The following DMXL1 variants were observed in gnomAD, a reference collection of about 807,000 sequenced individuals.
The protein encoded by DMXL1 is Dmx like 1.
DMXL1 carries 99 observed loss-of-function variants against 319.2 expected under a neutral mutation model. That is an observed-to-expected ratio of 0.31 (90% confidence interval 0.26 to 0.37). The LOEUF is 0.37. DMXL1 is among the 10% of genes least tolerant of loss of function. DMXL1 has a pLI of 1.00. For missense variants in DMXL1, 3,745 were observed against 3,595.6 expected, an observed-to-expected ratio of 1.04 and a Z score of -1.06; for synonymous variants, 1,385 against 1,235.2, an observed-to-expected ratio of 1.12 and a Z score of -2.54.
chr5:119,246,931 C>A lies in DMXL1; in HGVS notation c.8923-64C>A, dbSNP rs1581537076. ...TACAGGCATGAGCCACCGCACCTGG[C>A]CTCATTTGATTTCTTAAGGTCATCA... is the stretch of plus-strand genomic sequence containing the variant. On this transcript the variant is annotated intron_variant, in intron 43 of 43. Transcript: ENST00000539542. 2.4e-6 allele frequency: 3 copies of A among 1,255,990 alleles called. No homozygotes were observed. The East Asian group carries it at 7.0e-5, about 29-fold the overall frequency. 77.8% of individuals were successfully genotyped at this position (1,255,990 alleles called of 1,614,324 possible).
chr5:119,211,003 GAT>G, intron 34 of DMXL1, among the ~76,000 whole-genome samples: 1 of 141,632 alleles, frequency 7.1e-6, no homozygotes, highest in African/African-American at 2.7e-5. Flanking sequence ...TTTATCAAAT[GAT>G]TTTTTTTTTT....
chr5:119,126,592 A>G (rs1475180435), intron 9 of DMXL1, among the ~76,000 whole-genome samples: 1 of 152,222 alleles, frequency 6.6e-6, no homozygotes, highest in Non-Finnish European at 1.5e-5. Context: ...CAATTCAAGC[A>G]TCGTAATCTC....
rs1316133525 is a variant in DMXL1 at position 119,196,535 on chromosome 5, G to A, written c.7543+79G>A. The stretch of plus-strand genomic sequence containing the variant: ...CTGTTGTTTTTTTTTTTTTTTTTTT[G>A]GTCTGGACTGGGGGGAAAATTTAGT... On this transcript the variant is annotated intron_variant, in intron 31 of 43. Coordinates refer to ENST00000539542, the MANE Select transcript of DMXL1 (RefSeq NM_001290321.3). The A allele has an allele frequency of 6.9e-6, 4 of 582,216 alleles. No homozygotes were observed. In the East Asian group the frequency reaches 1.1e-4, roughly 16 times the overall value. 36.1% of individuals were successfully genotyped at this position (582,216 alleles called of 1,614,324 possible). A position where few individuals can be genotyped will look rare whatever the true frequency, so the allele number is the denominator to read the frequency against.
chr5:119,164,421 A>G (rs982118409), intron 19 of DMXL1, 86 bp from the exon 20 acceptor site: 1 of 1,220,532 alleles, frequency 8.2e-7, no homozygotes, highest in African/African-American at 1.5e-5. Context: ...TTACACATTT[A>G]TATTGAAAAT....
rs180739271 is a variant in DMXL1 at position 119,239,173 on chromosome 5, T to C, written c.8651+93T>C. 1.9e-4 allele frequency: 244 copies of C among 1,266,280 alleles called. 1 individual carries two copies. The African/African-American group carries it at 2.9e-3, about 15-fold the overall frequency. The allele number at this position is 1,266,280 out of a possible 1,614,324, so 78.4% of individuals were successfully genotyped here. ...CTTGTGTTTGACTAAAGTTTACTTA[T>C]GGCTTTAGATACAGTATTTTTATTC... On this transcript the variant is annotated intron_variant, in intron 41 of 43. Coordinates refer to ENST00000539542, the MANE Select transcript of DMXL1 (RefSeq NM_001290321.3).
Position 119,109,955 on chromosome 5 carries a change from A to G in DMXL1, c.365-196A>G, listed in dbSNP as rs74348916. Reference sequence around the variant, plus strand: ...ATGCTCATTAAATACTTGTTAAGTGAGAGATTATAAGATTTCTTCCTTTCT... The same window carrying G: ...ATGCTCATTAAATACTTGTTAAGTGGGAGATTATAAGATTTCTTCCTTTCT... On this transcript the variant is annotated intron_variant, in intron 4 of 43. Transcript: ENST00000539542. Among the ~76,000 whole-genome samples the G allele has an allele frequency of 4.7e-3, 719 of 152,340 alleles. 22 individuals carry two copies. In the East Asian group the frequency reaches 0.077, roughly 16 times the overall value.
rs752371431 is a variant in DMXL1, at chr5:119,170,349, G to T, written c.5558G>T (p.Ser1853Ile). 1 of 1,613,846 alleles carries T rather than the reference G, an allele frequency of 6.2e-7. No individual in the cohort carries two copies. ...GGACTGGCAGGAACAATTAATTTAA[G>T]TGAAAGACGTTTATTTTTTACCACT... is the stretch of plus-strand genomic sequence containing the variant. ...KSGLAGTINLSERRLFFTTAS... is the reference protein window; with the variant it reads ...KSGLAGTINLIERRLFFTTAS... The change falls in exon 24 of 44, where the codon AGT becomes ATT. Residue 1853 changes from serine (S) to isoleucine (I), a missense_variant. Around this residue, in one of 4 missense-constraint regions of DMXL1, gnomAD observed 1,382 missense variants for 1,269.5 expected, o/e 1.09. Transcript: ENST00000539542.
chr5:119,193,379 T>C (rs1335487007), intron 29 of DMXL1, among the ~76,000 whole-genome samples: 1 of 152,186 alleles, frequency 6.6e-6, no homozygotes, highest in African/African-American at 2.4e-5. Context: ...TTCCCTCTTA[T>C]TATATGGCTT....
intron 40 of DMXL1, among the ~76,000 whole-genome samples, chr5:119,238,384 A>G (rs1417276472): frequency 6.6e-6 from 1 of 152,158 alleles, no homozygotes; most frequent in Admixed American, 6.5e-5. Flanking sequence ...TGAAGCTTTT[A>G]TAAATGAAGA....
intron 34 of DMXL1, among the ~76,000 whole-genome samples, chr5:119,212,740 A>G (rs79775687): frequency 0.028 from 4,226 of 152,248 alleles, 182 homozygotes; most frequent in African/African-American, 0.096. Flanking sequence ...TTTTAAGACC[A>G]TATTCATTGT....
rs144377761 is a variant in DMXL1 at position 119,145,744 on chromosome 5, C to T, written c.2570-1093C>T. Among the ~76,000 whole-genome samples the T allele has an allele frequency of 4.7e-3, 713 of 151,604 alleles. 10 individuals are homozygous for T. Among genetic ancestry groups the T allele is most frequent in the African/African-American group, 0.016 (674 of 41,482 alleles). On this transcript the variant is annotated intron_variant, in intron 15 of 43. Transcript: ENST00000539542. ...AATTCTCTTTAAGGCTAAGATTTTT[C>T]TTAAAATATTCAGGAAATTTTTACT...
Position 119,104,563 on chromosome 5 carries a change from C to T in DMXL1, c.286-617C>T, listed in dbSNP as rs72784077. ...ACTCAACTTAGTGTAGGCCACAACC[C>T]GAATTTAAAAAGAGAATGAAATAGA... On this transcript the variant is annotated intron_variant, in intron 3 of 43. Coordinates refer to ENST00000539542, the MANE Select transcript of DMXL1 (RefSeq NM_001290321.3). Among the ~76,000 whole-genome samples the T allele has an allele frequency of 5.7e-3, 862 of 151,798 alleles. 8 individuals are homozygous for T. Among genetic ancestry groups the T allele is most frequent in the African/African-American group, 0.02 (828 of 41,354 alleles).
intron 6 of DMXL1, among the ~76,000 whole-genome samples, chr5:119,115,710 A>G (rs187858919): frequency 6.6e-6 from 1 of 152,316 alleles, no homozygotes; most frequent in African/African-American, 2.4e-5. Flanking sequence ...GTATTTATAT[A>G]TTAACTCATT....
At chr5:119,215,737 A>G (rs1783565752) in intron 34 of DMXL1, among the ~76,000 whole-genome samples, 1 of 152,136 alleles carries the variant, frequency 6.6e-6, no homozygotes, top group Non-Finnish European at 1.5e-5. Context: ...AATTTATTGT[A>G]TGCTGATTTC....
chr5:119,116,340 A>G lies in DMXL1; in HGVS notation c.743+4A>G, dbSNP rs201095323. Reference sequence around the variant, plus strand: ...AAACAAGCAAATATATGCCTAGGTCAGTGGATTGGTCATTTCCCTCCACAT... The same window carrying G: ...AAACAAGCAAATATATGCCTAGGTCGGTGGATTGGTCATTTCCCTCCACAT... On this transcript the variant is annotated splice_donor_region_variant and intron_variant, in intron 7 of 43. Transcript: ENST00000539542. 6.9e-5 allele frequency: 112 copies of G among 1,611,648 alleles called. No individual in the cohort carries two copies. Among genetic ancestry groups the G allele is most frequent in the Non-Finnish European group, 9.0e-5 (106 of 1,178,684 alleles).
chr5:119,197,669 C>CT (rs1779888905), intron 31 of DMXL1, 86 bp from the exon 32 acceptor site: 1 of 1,195,508 alleles, frequency 8.4e-7, no homozygotes, highest in Non-Finnish European at 1.2e-6. Context: ...TGCATCTGCT[C>CT]TCCCCTCTCT....
At chr5:119,198,760 A>G (rs1780124957) in intron 32 of DMXL1, among the ~76,000 whole-genome samples, 1 of 152,252 alleles carries the variant, frequency 6.6e-6, no homozygotes, top group African/African-American at 2.4e-5. Context: ...ACAGCATGGT[A>G]CTGGTACAAA....
In DMXL1 at chr5:119,220,557, C is replaced by T. The variant is rs1447440251; in HGVS notation, c.8099C>T (p.Thr2700Ile). The T allele has an allele frequency of 6.2e-7, 1 of 1,613,864 alleles. No homozygotes were observed. ...VSGILATQVY[T>I]WVDDDIEVET... Reference sequence around the variant, plus strand: ...GGAATTCTGGCCACACAGGTCTACACTTGGGTAGATGATGATATAGAAGTG... The same window carrying T: ...GGAATTCTGGCCACACAGGTCTACATTTGGGTAGATGATGATATAGAAGTG... Residue 2700 changes from threonine (T) to isoleucine (I), a missense_variant, in exon 36 of 44, where the codon ACT becomes ATT. By Grantham distance (89) the Thr-to-Ile change is moderately conservative. Transcript: ENST00000539542.
intron 8 of DMXL1, among the ~76,000 whole-genome samples, chr5:119,120,351 A>C (rs772770722): frequency 1.3e-5 from 2 of 152,268 alleles, no homozygotes; most frequent in Admixed American, 6.5e-5. Flanking sequence ...TACATGTAGT[A>C]ATAGCTGAAA....
Sources: allele counts gnomAD v4.1 joint callset (sites outside exome capture counted in the v4.1 genomes callset), GRCh38; gene constraint gnomAD v4.1.1; regional missense constraint gnomAD v4.1.1; transcripts MANE v1.5; gene names NCBI Gene and HGNC (gene_info 2026-07-23, HGNC 2026-07-21).